ZBTB20: variants seen among roughly 807,000 people sequenced by gnomAD.
ZBTB20 encodes zinc finger and BTB domain-containing protein 20.
In ZBTB20, 9 loss-of-function variants were observed where a neutral mutation model predicts 56.9. That is an observed-to-expected ratio of 0.16 (90% CI 0.10 to 0.28). The LOEUF is 0.28. ZBTB20 is among the 10% of genes least tolerant of loss of function. The probability of loss-of-function intolerance (pLI) is 1.00; values close to 1 mark genes in which losing one functional copy is unlikely to be tolerated. For synonymous variants in ZBTB20, 417 were observed against 420.7 expected, an observed-to-expected ratio of 0.99 and a Z score of 0.11; for missense variants, 655 against 1,003.0, an observed-to-expected ratio of 0.65 and a Z score of 4.69.
chr3:115,123,557 C>T (rs2084241359), intron 1 of ZBTB20, among the ~76,000 whole-genome samples: 1 of 152,030 alleles, frequency 6.6e-6, no homozygotes, highest in South Asian at 2.1e-4. Flanking sequence ...ACAAATATAC[C>T]ACTTTATAAG....
At chr3:114,832,911 T>C (rs1203307166) in intron 4 of ZBTB20, among the ~76,000 whole-genome samples, 2 of 152,162 alleles carry the variant, frequency 1.3e-5, no homozygotes, top group Non-Finnish European at 2.9e-5. Flanking sequence ...TACAATTTCA[T>C]AACAGTAACA....
At chr3:114,859,093 T>A (rs1006877155) in intron 4 of ZBTB20, among the ~76,000 whole-genome samples, 5 of 151,886 alleles carry the variant, frequency 3.3e-5, no homozygotes, top group African/African-American at 1.2e-4. Flanking sequence ...AAATATTTTT[T>A]AAAAAAACAG....
intron 7 of ZBTB20, among the ~76,000 whole-genome samples, chr3:114,489,955 G>A (rs1422430628): frequency 5.9e-5 from 9 of 152,110 alleles, no homozygotes; most frequent in Non-Finnish European, 1.0e-4. Flanking sequence ...TCTGTTGGAA[G>A]TTATAAACTT....
chr3:115,107,479 A>G (rs2083756581), intron 1 of ZBTB20, among the ~76,000 whole-genome samples: 1 of 152,078 alleles, frequency 6.6e-6, no homozygotes, highest in African/African-American at 2.4e-5. Flanking sequence ...CAGAATGGGG[A>G]TTATTAAAAA....
intron 6 of ZBTB20, among the ~76,000 whole-genome samples, chr3:114,645,847 A>G (rs1193928116): frequency 6.6e-6 from 1 of 152,222 alleles, no homozygotes; most frequent in East Asian, 1.9e-4. Context: ...AAAACTATCT[A>G]TAAAGCAGGA....
intron 1 of ZBTB20, among the ~76,000 whole-genome samples, chr3:115,119,086 C>A (rs1378878273): frequency 6.6e-6 from 1 of 152,144 alleles, no homozygotes; most frequent in East Asian, 1.9e-4. Context: ...CCCCACTTAA[C>A]CTAACCAACT....
At chr3:114,725,156 C>A (rs2108510262) in intron 5 of ZBTB20, among the ~76,000 whole-genome samples, 1 of 152,322 alleles carries the variant, frequency 6.6e-6, no homozygotes, top group Non-Finnish European at 1.5e-5. Flanking sequence ...ACCATGCTTT[C>A]TATTCCTTAA....
At chr3:114,466,891 C>T (rs750976118) in intron 7 of ZBTB20, among the ~76,000 whole-genome samples, 2 of 151,938 alleles carry the variant, frequency 1.3e-5, no homozygotes, top group Middle Eastern at 3.2e-3. Flanking sequence ...TACCGTAAAG[C>T]GTTGCTAAAA....
At position 114,315,097 on chromosome 3, in the gene ZBTB20, ACTCC is replaced by A. The variant is rs1307289942; in HGVS notation, c.*23904_*23907del. The A allele has an allele frequency of 1.3e-5, 2 of 152,054 alleles. No individual in the cohort carries two copies. The highest frequency in any genetic ancestry group is 2.9e-5 in the Non-Finnish European group (2 of 68,008). The allele number at this position is 152,054 out of a possible 1,614,324, so 9.4% of individuals were successfully genotyped here. ...TATAATGAGAAAAAAAAAGGAACAA[ACTCC>A]CTCTCAAAACTATTGACCTGCTCAT... is the stretch of plus-strand genomic sequence containing the variant. On this transcript the variant is annotated 3_prime_UTR_variant, in exon 12 of 12. Transcript: ENST00000675478.
chr3:114,684,959 G>A (rs1578331546), intron 6 of ZBTB20, among the ~76,000 whole-genome samples: 1 of 152,076 alleles, frequency 6.6e-6, no homozygotes, highest in Non-Finnish European at 1.5e-5. Flanking sequence ...AAATCCAGTT[G>A]CACAGAATCT....
At position 114,414,709 on chromosome 3, in the gene ZBTB20, T is replaced by C. The variant is rs144492717; in HGVS notation, c.-254-25604A>G. Among the ~76,000 whole-genome samples, 333 of 147,526 alleles carry C rather than the reference T, an allele frequency of 2.3e-3. 2 individuals carry two copies. Among genetic ancestry groups the C allele is most frequent in the African/African-American group, 7.0e-3 (287 of 40,788 alleles). ...GAAACAACGAATACATAAAATACTA[T>C]ATATTTATATAAAATATATAAAATA... On this transcript the variant is annotated intron_variant, in intron 7 of 11. Coordinates refer to ENST00000675478, the MANE Select transcript of ZBTB20 (RefSeq NM_001348800.3).
chr3:114,782,006 C>T (rs896042833), intron 5 of ZBTB20, among the ~76,000 whole-genome samples: 2 of 152,108 alleles, frequency 1.3e-5, no homozygotes, highest in Non-Finnish European at 2.9e-5. Flanking sequence ...CAGACTAATA[C>T]ACAAGGCAAA....
intron 6 of ZBTB20, among the ~76,000 whole-genome samples, chr3:114,507,361 C>T (rs1173028105): frequency 1.3e-5 from 2 of 152,046 alleles, no homozygotes; most frequent in East Asian, 3.9e-4. Flanking sequence ...CTTTGCCACT[C>T]AGGTATAGAA....
intron 6 of ZBTB20, among the ~76,000 whole-genome samples, chr3:114,620,395 C>T (rs1194564523): frequency 2.6e-5 from 4 of 152,044 alleles, no homozygotes; most frequent in Non-Finnish European, 5.9e-5. Flanking sequence ...TAGGTTCTAG[C>T]GATTCTCCTG....
intron 6 of ZBTB20, among the ~76,000 whole-genome samples, chr3:114,562,681 G>A (rs770383337): frequency 6.6e-6 from 1 of 152,162 alleles, no homozygotes; most frequent in South Asian, 2.1e-4. Flanking sequence ...TTTATTTAAA[G>A]TGAGAGATAA....
intron 6 of ZBTB20, among the ~76,000 whole-genome samples, chr3:114,640,617 C>T (rs1196162314): frequency 1.3e-5 from 2 of 151,994 alleles, no homozygotes; most frequent in Non-Finnish European, 2.9e-5. Context: ...TTCATTTTCA[C>T]TTTCAAAAGT....
chr3:114,980,282 C>A (rs2078274830), intron 2 of ZBTB20, among the ~76,000 whole-genome samples: 7 of 151,946 alleles, frequency 4.6e-5, no homozygotes, highest in Admixed American at 1.3e-4. Context: ...CACAATCTAA[C>A]CTGCTTAATT....
At position 114,410,029 on chromosome 3, in the gene ZBTB20, G is replaced by T. The variant is rs545175974; in HGVS notation, c.-254-20924C>A. Among the ~76,000 whole-genome samples the T allele has an allele frequency of 1.2e-4, 18 of 152,124 alleles. 1 individual carries two copies. Among genetic ancestry groups the T allele is most frequent in the African/African-American group, 4.1e-4 (17 of 41,510 alleles). ...AAAGTATAGCCTTTATCGAAGTCTG[G>T]GTGGCAGGAAAAATAAATTAGGGAG... On this transcript the variant is annotated intron_variant, in intron 7 of 11. Coordinates refer to ENST00000675478, the MANE Select transcript of ZBTB20 (RefSeq NM_001348800.3).
intron 6 of ZBTB20, among the ~76,000 whole-genome samples, chr3:114,576,165 A>T (rs1245595902): frequency 6.6e-6 from 1 of 152,128 alleles, no homozygotes; most frequent in Non-Finnish European, 1.5e-5. Context: ...TTATTTTGTT[A>T]CAGAATACTC....
Sources: allele counts gnomAD v4.1 joint callset (sites outside exome capture counted in the v4.1 genomes callset), GRCh38; gene constraint gnomAD v4.1.1; transcripts MANE v1.5; gene names NCBI Gene and HGNC (gene_info 2026-07-23, HGNC 2026-07-21).